The following SND1 variants were observed in gnomAD, a reference collection of about 807,000 sequenced individuals.
SND1 encodes staphylococcal nuclease domain-containing protein 1.
In SND1, 38 loss-of-function variants were observed where a neutral mutation model predicts 121.7. That is an observed-to-expected ratio of 0.31 (90% confidence interval 0.24 to 0.41). The LOEUF (loss-of-function observed/expected upper bound fraction) is 0.41. Among genes scored for constraint, SND1 ranks in the 10% least tolerant of loss-of-function variants. The pLI, the probability that SND1 is intolerant of heterozygous loss-of-function variation, is 1.00. For missense variants in SND1, 868 were observed against 1,184.6 expected (o/e 0.73, Z 3.92); for synonymous variants, 401 against 447.4 (o/e 0.90, Z 1.31).
At chr7:127,829,029 G>C (rs1457949722) in intron 11 of SND1, among the ~76,000 whole-genome samples, 1 of 152,178 alleles carries the variant, frequency 6.6e-6, no homozygotes, top group South Asian at 2.1e-4. Flanking sequence ...CACAGGTGAT[G>C]CATCAGGGAG....
At chr7:128,076,453 G>A (rs978423892) in intron 17 of SND1, among the ~76,000 whole-genome samples, 1 of 152,210 alleles carries the variant, frequency 6.6e-6, no homozygotes, top group South Asian at 2.1e-4. Flanking sequence ...ATCCCAGTCT[G>A]CTCGTCAAGG....
At position 127,652,424 on chromosome 7, in the gene SND1, C is replaced by T; in HGVS notation, c.51C>T (p.Pro17=). 1 of 1,589,544 alleles carries T rather than the reference C, an allele frequency of 6.3e-7. No individual in the cohort carries two copies. The highest frequency in any genetic ancestry group is 1.8e-5 in the Admixed American group (1 of 55,528). The change falls in exon 1 of 24, where the codon CCC becomes CCT. Residue 17 remains proline (P), a synonymous_variant. Coordinates refer to ENST00000354725, the MANE Select transcript of SND1 (RefSeq NM_014390.4). The part of the protein sequence containing the change: ...SGGSSGGPAV[P]TVQRGIIKMV... ...GCTCCTCCGGGGGACCCGCGGTCCC[C>T]ACCGTGCAGCGGGGCATCATCAAGA...
intron 13 of SND1, among the ~76,000 whole-genome samples, chr7:127,902,581 C>G (rs539959109): frequency 1.2e-4 from 18 of 152,228 alleles, no homozygotes; most frequent in Non-Finnish European, 2.4e-4. Context: ...TAGTCTTTTA[C>G]TGGTAGCTTG....
rs550972485 is a variant in SND1, at chr7:128,064,260, A to G, written c.1780-10242A>G. ...AGCCAGTAAGTAGTAGAGCAAGCGC[A>G]GAAGGAGGTGGTCTGGCCCTAGAGC... On this transcript the variant is annotated intron_variant, in intron 16 of 23. Coordinates refer to ENST00000354725, the MANE Select transcript of SND1 (RefSeq NM_014390.4). Among the ~76,000 whole-genome samples, 188 of 152,306 alleles carry G rather than the reference A, an allele frequency of 1.2e-3. 5 individuals are homozygous for G. In the South Asian group the frequency reaches 0.037, roughly 30 times the overall value.
At chr7:127,769,973 G>C (rs567513547) in intron 10 of SND1, among the ~76,000 whole-genome samples, 3 of 152,198 alleles carry the variant, frequency 2.0e-5, no homozygotes, top group African/African-American at 7.2e-5. Flanking sequence ...ATTAGTGTCT[G>C]CTTTGAGTTG....
At chr7:127,884,619 C>T (rs531777810) in intron 12 of SND1, among the ~76,000 whole-genome samples, 1 of 152,208 alleles carries the variant, frequency 6.6e-6, no homozygotes, top group East Asian at 1.9e-4. Flanking sequence ...TCTAACCTTC[C>T]TTCATTCCCT....
At position 127,939,136 on chromosome 7, in the gene SND1, G is replaced by A. The variant is rs551566653; in HGVS notation, c.1669+9807G>A. Among the ~76,000 whole-genome samples the A allele has an allele frequency of 2.2e-4, 34 of 152,260 alleles. No homozygotes were observed. In the South Asian group the frequency reaches 2.3e-3, roughly 10 times the overall value. ...TGTCAAAAAGGCTGTTTCAAAACTCGGAAATACAGAACGCAGAGAGGAGTG... is the reference window on the plus strand; with the variant it reads ...TGTCAAAAAGGCTGTTTCAAAACTCAGAAATACAGAACGCAGAGAGGAGTG... On this transcript the variant is annotated intron_variant, in intron 15 of 23. Coordinates refer to ENST00000354725, the MANE Select transcript of SND1 (RefSeq NM_014390.4).
chr7:127,863,936 A>G (rs1799423240), intron 12 of SND1, among the ~76,000 whole-genome samples: 2 of 152,302 alleles, frequency 1.3e-5, no homozygotes, highest in African/African-American at 4.8e-5. Flanking sequence ...AGATAGGAAT[A>G]TACGATATAC....
intron 16 of SND1, among the ~76,000 whole-genome samples, chr7:128,026,603 C>CACCA (rs1235562956): frequency 1.3e-5 from 2 of 152,194 alleles, no homozygotes; most frequent in Non-Finnish European, 2.9e-5. Flanking sequence ...GATTATTTAG[C>CACCA]ACCCAGAGAA....
In SND1 at chr7:127,923,392, C is replaced by T. The variant is rs562456614; in HGVS notation, c.1528-5796C>T. Among the ~76,000 whole-genome samples the T allele has an allele frequency of 5.7e-4, 87 of 152,232 alleles. 1 individual carries two copies. Among genetic ancestry groups the T allele is most frequent in the Non-Finnish European group, 1.0e-3 (71 of 68,016 alleles). Reference sequence around the variant, plus strand: ...TCATTCCTGTTAAACTTGCAATTCACTGAAGTTTACGCCCTCCCTGGTCTC... The same window carrying T: ...TCATTCCTGTTAAACTTGCAATTCATTGAAGTTTACGCCCTCCCTGGTCTC... On this transcript the variant is annotated intron_variant, in intron 14 of 23. Coordinates refer to ENST00000354725, the MANE Select transcript of SND1 (RefSeq NM_014390.4).
chr7:128,020,396 G>A (rs185707873), intron 16 of SND1, among the ~76,000 whole-genome samples: 2 of 152,302 alleles, frequency 1.3e-5, no homozygotes, highest in Admixed American at 6.5e-5. Context: ...TGGCCCTGCC[G>A]GCGCTCAGCA....
At chr7:127,705,005 A>T in intron 8 of SND1, 60 bp downstream of exon 8, 1 of 1,396,410 alleles carries the variant, frequency 7.2e-7, no homozygotes, top group South Asian at 1.2e-5. Context: ...TTAGGGAAAG[A>T]AATCTGGTGA....
chr7:127,983,162 T>TTTTTGGTGGGAAGA (rs1802305712), intron 15 of SND1, among the ~76,000 whole-genome samples: 1 of 152,188 alleles, frequency 6.6e-6, no homozygotes, highest in African/African-American at 2.4e-5. Context: ...TTTGTTTTGT[T>TTTTTGGTGGGAAGA]TTTTGGTGGG....
At chr7:128,014,176 C>T (rs1803174528) in intron 16 of SND1, among the ~76,000 whole-genome samples, 1 of 152,190 alleles carries the variant, frequency 6.6e-6, no homozygotes, top group South Asian at 2.1e-4. Context: ...TCAGCTTAAG[C>T]ACAACCATGT....
intron 10 of SND1, among the ~76,000 whole-genome samples, chr7:127,776,973 C>G (rs1797632346): frequency 6.6e-6 from 1 of 152,248 alleles, no homozygotes; most frequent in Admixed American, 6.5e-5. Context: ...GCACATTCCT[C>G]TTCATTCCTG....
At chr7:127,918,675 A>G (rs73721249) in intron 14 of SND1, among the ~76,000 whole-genome samples, 2,475 of 152,306 alleles carry the variant, frequency 0.016, 91 homozygotes, top group African/African-American at 0.057. Flanking sequence ...AACGCTGTAA[A>G]TAGTTCTACT....
intron 9 of SND1, among the ~76,000 whole-genome samples, chr7:127,711,391 T>C (rs1264529490): frequency 6.6e-6 from 1 of 152,204 alleles, no homozygotes; most frequent in African/African-American, 2.4e-5. Flanking sequence ...TAGAAGTCAT[T>C]TTCCATTAGA....
chr7:127,847,678 C>T (rs1799091317), intron 12 of SND1, among the ~76,000 whole-genome samples: 1 of 152,236 alleles, frequency 6.6e-6, no homozygotes, highest in South Asian at 2.1e-4. Flanking sequence ...TTTGCAGCTA[C>T]TTTAAAGCCT....
intron 11 of SND1, among the ~76,000 whole-genome samples, chr7:127,824,925 A>G (rs1222259425): frequency 1.3e-5 from 2 of 152,130 alleles, no homozygotes; most frequent in Non-Finnish European, 2.9e-5. Context: ...TCTGGAATGT[A>G]TGTACAACTA....
Sources: allele counts gnomAD v4.1 joint callset (sites outside exome capture counted in the v4.1 genomes callset), GRCh38; gene constraint gnomAD v4.1.1; transcripts MANE v1.5; gene names NCBI Gene and HGNC (gene_info 2026-07-23, HGNC 2026-07-21).